The following MEIKIN variants were observed in gnomAD, a reference collection of about 807,000 sequenced individuals.
MEIKIN encodes the protein meiotic kinetochore factor, also known as meiosis-specific kinetochore protein.
chr5:131,903,107 A>G (rs1751185919), intron 8 of MEIKIN, among the ~76,000 whole-genome samples: 1 of 152,208 alleles, frequency 6.6e-6, no homozygotes, highest in Non-Finnish European at 1.5e-5. Context: ...TAAAGAAGAA[A>G]CAATGACAAA....
intron 11 of MEIKIN, among the ~76,000 whole-genome samples, chr5:131,842,173 G>A (rs1749926907): frequency 6.6e-6 from 1 of 152,076 alleles, no homozygotes; most frequent in African/African-American, 2.4e-5. Context: ...TACCATGTTG[G>A]CCAGGATGAT....
At chr5:131,868,318 A>C (rs917665101) in intron 9 of MEIKIN, among the ~76,000 whole-genome samples, 13 of 152,212 alleles carry the variant, frequency 8.5e-5, no homozygotes, top group Admixed American at 6.5e-4. Flanking sequence ...CCCTGGGCTA[A>C]GGCAATCCAC....
chr5:131,875,878 A>T (rs1021673568), intron 9 of MEIKIN, among the ~76,000 whole-genome samples: 6 of 152,318 alleles, frequency 3.9e-5, no homozygotes, highest in South Asian at 2.1e-4. Context: ...AAACCTGACA[A>T]AAACAAGCAA....
At chr5:131,809,537 G>A (rs1470051880) in intron 12 of MEIKIN, among the ~76,000 whole-genome samples, 3 of 152,130 alleles carry the variant, frequency 2.0e-5, no homozygotes, top group South Asian at 4.1e-4. Flanking sequence ...GGCTGGGTGC[G>A]GTGGCTCACG....
chr5:131,904,845 C>T (rs1751217935), intron 8 of MEIKIN, among the ~76,000 whole-genome samples: 1 of 152,148 alleles, frequency 6.6e-6, no homozygotes, highest in African/African-American at 2.4e-5. Context: ...TTTGCAGGGA[C>T]ATGGATGAAG....
intron 8 of MEIKIN, among the ~76,000 whole-genome samples, chr5:131,896,420 G>A (rs1751052926): frequency 6.6e-6 from 1 of 152,198 alleles, no homozygotes; most frequent in Non-Finnish European, 1.5e-5. Context: ...GCAGAGCTGA[G>A]TTCAAGTCCT....
intron 9 of MEIKIN, among the ~76,000 whole-genome samples, chr5:131,855,514 C>T (rs925963909): frequency 1.3e-5 from 2 of 149,472 alleles, no homozygotes; most frequent in Admixed American, 1.3e-4. Context: ...AGCGAGGAAG[C>T]GACAGGCCAA....
chr5:131,929,155 A>G (rs576831842), intron 5 of MEIKIN, among the ~76,000 whole-genome samples: 1 of 152,324 alleles, frequency 6.6e-6, no homozygotes, highest in South Asian at 2.1e-4. Context: ...TTCTGCTGAG[A>G]AATCCACTCA....
chr5:131,872,067 T>G (rs79040743), intron 9 of MEIKIN, among the ~76,000 whole-genome samples: 1 of 151,894 alleles, frequency 6.6e-6, no homozygotes, highest in Non-Finnish European at 1.5e-5. Flanking sequence ...GCAGAAAAAC[T>G]GGAAACTCTA....
At chr5:131,909,768 C>A (rs950992060) in intron 8 of MEIKIN, among the ~76,000 whole-genome samples, 2 of 152,044 alleles carry the variant, frequency 1.3e-5, no homozygotes, top group African/African-American at 4.8e-5. Context: ...AAGACCTAAA[C>A]AGACATTTCT....
intron 11 of MEIKIN, among the ~76,000 whole-genome samples, chr5:131,832,464 G>C (rs1326484248): frequency 6.6e-6 from 1 of 152,116 alleles, no homozygotes; most frequent in African/African-American, 2.4e-5. Context: ...AGTGTCTGTG[G>C]CTTTTCTAGG....
intron 9 of MEIKIN, among the ~76,000 whole-genome samples, chr5:131,855,046 T>C (rs948739075): frequency 6.6e-6 from 1 of 152,214 alleles, no homozygotes; most frequent in Non-Finnish European, 1.5e-5. Context: ...GAGAACTCTA[T>C]ATGGCATAGC....
intron 8 of MEIKIN, among the ~76,000 whole-genome samples, chr5:131,887,161 T>G (rs2149632096): frequency 6.6e-6 from 1 of 152,198 alleles, no homozygotes; most frequent in Admixed American, 6.5e-5. Context: ...GGACATGAAC[T>G]CATACTTTTT....
intron 2 of MEIKIN, among the ~76,000 whole-genome samples, 200 bp from the exon 3 acceptor site, chr5:131,944,952 C>T (rs1035104713): frequency 6.6e-6 from 1 of 152,174 alleles, no homozygotes; most frequent in Non-Finnish European, 1.5e-5. Flanking sequence ...CTTCCTTTTA[C>T]GTAAATTGGC....
intron 11 of MEIKIN, among the ~76,000 whole-genome samples, chr5:131,826,149 A>G (rs1230011842): frequency 7.2e-6 from 1 of 138,062 alleles, no homozygotes; most frequent in Admixed American, 7.7e-5. Flanking sequence ...CTGGTCTTGG[A>G]CTCCTGGCCT....
intron 8 of MEIKIN, among the ~76,000 whole-genome samples, chr5:131,900,636 T>TG (rs1264527630): frequency 2.6e-5 from 4 of 152,162 alleles, no homozygotes; most frequent in African/African-American, 9.7e-5. Context: ...GGGGAACTGT[T>TG]GGACTTGAAC....
chr5:131,916,424 C>CT (rs1751416753), intron 7 of MEIKIN, among the ~76,000 whole-genome samples: 4 of 152,230 alleles, frequency 2.6e-5, no homozygotes, highest in Non-Finnish European at 5.9e-5. Flanking sequence ...CAGCCCAGGA[C>CT]TTTTACCTTG....
At chr5:131,885,593 T>C (rs1750781889) in intron 8 of MEIKIN, among the ~76,000 whole-genome samples, 1 of 152,174 alleles carries the variant, frequency 6.6e-6, no homozygotes, top group Non-Finnish European at 1.5e-5. Context: ...CTAATGAAGA[T>C]ACAGTTTAGA....
chr5:131,873,839 C>T (rs1435320826), intron 9 of MEIKIN, among the ~76,000 whole-genome samples: 1 of 152,186 alleles, frequency 6.6e-6, no homozygotes, highest in African/African-American at 2.4e-5. Flanking sequence ...GATTAAGAAA[C>T]TCACTCAAAA....
Sources: allele counts gnomAD v4.1 joint callset (sites outside exome capture counted in the v4.1 genomes callset), GRCh38; gene constraint gnomAD v4.1.1; transcripts MANE v1.5; gene names NCBI Gene and HGNC (gene_info 2026-07-23, HGNC 2026-07-21).